RBFOX1: variants seen among roughly 807,000 people sequenced by gnomAD.
The protein encoded by RBFOX1 is RNA binding fox-1 homolog 1.
Under a neutral mutation model 57.7 loss-of-function variants are expected in RBFOX1, and 8 were observed. The observed-to-expected ratio is 0.14, with a 90% CI of 0.08 to 0.25. The LOEUF is 0.25. Among genes scored for constraint, RBFOX1 ranks in the 10% least tolerant of loss-of-function variants. The pLI, the probability that RBFOX1 is intolerant of heterozygous loss-of-function variation, is 1.00. For missense variants in RBFOX1, 611 were observed against 548.5 expected, an observed-to-expected ratio of 1.11 and a Z score of -1.14; for synonymous variants, 326 against 222.4, an observed-to-expected ratio of 1.47 and a Z score of -4.15.
At chr16:5,655,159 G>A (rs2049384458) in intron 3 of RBFOX1, among the ~76,000 whole-genome samples, 2 of 152,144 alleles carry the variant, frequency 1.3e-5, no homozygotes, top group African/African-American at 4.8e-5. Flanking sequence ...TTGCTATCTG[G>A]AATTTAGCCC....
intron 1 of RBFOX1, among the ~76,000 whole-genome samples, chr16:5,274,749 G>A (rs1288616855): frequency 1.3e-5 from 2 of 152,160 alleles, no homozygotes; most frequent in Non-Finnish European, 2.9e-5. Context: ...CCTTGCATAG[G>A]CACCAGGCTT....
intron 1 of RBFOX1, among the ~76,000 whole-genome samples, chr16:5,376,270 C>T (rs183551350): frequency 6.9e-4 from 105 of 152,114 alleles, no homozygotes; most frequent in African/African-American, 2.2e-3. Flanking sequence ...AGAGCATGCG[C>T]GGAACTCTGA....
At chr16:5,485,630 A>G (rs972972290) in intron 2 of RBFOX1, among the ~76,000 whole-genome samples, 9 of 152,184 alleles carry the variant, frequency 5.9e-5, no homozygotes, top group African/African-American at 2.2e-4. Context: ...TTCACAGATA[A>G]AAGAAACTGA....
chr16:6,105,913 C>T (rs1351235358), intron 1 of RBFOX1, among the ~76,000 whole-genome samples: 1 of 151,998 alleles, frequency 6.6e-6, no homozygotes, highest in Non-Finnish European at 1.5e-5. Context: ...AAAAGATAAA[C>T]TTAATGGTCA....
At chr16:7,078,590 C>T (rs1310723538) in intron 4 of RBFOX1, among the ~76,000 whole-genome samples, 1 of 152,038 alleles carries the variant, frequency 6.6e-6, no homozygotes, top group Non-Finnish European at 1.5e-5. Context: ...TCAAGTGATC[C>T]ACCCACTTTG....
chr16:6,904,839 G>T (rs968308064), intron 3 of RBFOX1, among the ~76,000 whole-genome samples: 7 of 152,060 alleles, frequency 4.6e-5, no homozygotes, highest in African/African-American at 1.7e-4. Flanking sequence ...TGTTAGAGAA[G>T]AATTGTTTTG....
chr16:7,618,394 G>A (rs7204945), intron 10 of RBFOX1, among the ~76,000 whole-genome samples: 97,953 of 151,922 alleles, frequency 0.64, 32,321 homozygotes, highest in East Asian at 0.85. Flanking sequence ...ATTATCAACT[G>A]TTCAGCAACC....
intron 4 of RBFOX1, among the ~76,000 whole-genome samples, chr16:7,222,724 C>G (rs2092820509): frequency 6.6e-6 from 1 of 152,190 alleles, no homozygotes; most frequent in Non-Finnish European, 1.5e-5. Flanking sequence ...AAGCCAATGC[C>G]TGACACACAT....
chr16:6,664,516 C>A (rs766386680), intron 3 of RBFOX1, among the ~76,000 whole-genome samples: 1 of 152,172 alleles, frequency 6.6e-6, no homozygotes, highest in Non-Finnish European at 1.5e-5. Context: ...GGATGTGATA[C>A]ATATACCACA....
chr16:7,423,181 G>C (rs1269089738), intron 4 of RBFOX1, among the ~76,000 whole-genome samples: 1 of 151,992 alleles, frequency 6.6e-6, no homozygotes, highest in Non-Finnish European at 1.5e-5. Context: ...TTTAATCATA[G>C]ACTTGGCCTT....
chr16:5,546,473 C>G (rs528020164), intron 2 of RBFOX1, among the ~76,000 whole-genome samples: 3 of 152,252 alleles, frequency 2.0e-5, no homozygotes, highest in South Asian at 4.1e-4. Context: ...AAGGTAGATA[C>G]TTGGGTCGAT....
At chr16:5,424,875 T>TCTTTC (rs1555514727) in intron 1 of RBFOX1, among the ~76,000 whole-genome samples, 5 of 76,828 alleles carry the variant, frequency 6.5e-5, no homozygotes, top group African/African-American at 1.4e-4. Context: ...TCTTTCTTTT[T>TCTTTC]TTTCTTTCTT....
At chr16:5,563,844 C>T (rs530337381) in intron 2 of RBFOX1, among the ~76,000 whole-genome samples, 1 of 152,244 alleles carries the variant, frequency 6.6e-6, no homozygotes, top group African/African-American at 2.4e-5. Flanking sequence ...CCCATTTCTT[C>T]TTCCCATCTC....
intron 3 of RBFOX1, among the ~76,000 whole-genome samples, chr16:7,037,130 C>G (rs979516961): frequency 1.3e-5 from 2 of 151,718 alleles, no homozygotes; most frequent in Non-Finnish European, 2.9e-5. Flanking sequence ...CAGCAAGGTC[C>G]TTACGACCTG....
chr16:5,255,237 A>T (rs947549332), intron 1 of RBFOX1, among the ~76,000 whole-genome samples: 1 of 151,874 alleles, frequency 6.6e-6, no homozygotes, highest in Non-Finnish European at 1.5e-5. Context: ...GACACACCCT[A>T]GGAAAATCAC....
chr16:7,506,373 G>A (rs959526751), intron 4 of RBFOX1, among the ~76,000 whole-genome samples: 1 of 152,068 alleles, frequency 6.6e-6, no homozygotes, highest in Admixed American at 6.6e-5. Context: ...GCATGAGCAA[G>A]TAATCCCACC....
At position 6,256,271 on chromosome 16, in the gene RBFOX1, GTATATATA is replaced by G. The variant is rs1162785126; in HGVS notation, c.-126-60720_-126-60713del. Among the ~76,000 whole-genome samples the G allele has an allele frequency of 2.5e-3, 283 of 114,050 alleles. 6 individuals are homozygous for G. Among genetic ancestry groups the G allele is most frequent in the African/African-American group, 0.01 (227 of 22,322 alleles). 74.8% of individuals were successfully genotyped at this position (114,050 alleles called of 152,430 possible). A position where few individuals can be genotyped will look rare whatever the true frequency, so the allele number is the denominator to read the frequency against. On this transcript the variant is annotated intron_variant, in intron 1 of 15. Coordinates refer to ENST00000550418, the MANE Select transcript of RBFOX1 (RefSeq NM_018723.4). ...TGTATATATATGTGTATATATATAT[GTATATATA>G]TATGTGTGTATATATATATGTATAT...
chr16:7,571,763 G>C (rs2092799727), intron 5 of RBFOX1, among the ~76,000 whole-genome samples: 1 of 152,116 alleles, frequency 6.6e-6, no homozygotes, highest in Non-Finnish European at 1.5e-5. Flanking sequence ...CTTCCCATCT[G>C]TGTAGGGTCC....
intron 3 of RBFOX1, among the ~76,000 whole-genome samples, chr16:7,034,445 T>A (rs2043696668): frequency 6.6e-6 from 1 of 152,096 alleles, no homozygotes; most frequent in Non-Finnish European, 1.5e-5. Flanking sequence ...CCTCTGCTTC[T>A]TCCCCCTTCT....
Sources: allele counts gnomAD v4.1 joint callset (sites outside exome capture counted in the v4.1 genomes callset), GRCh38; gene constraint gnomAD v4.1.1; transcripts MANE v1.5; gene names NCBI Gene and HGNC (gene_info 2026-07-23, HGNC 2026-07-21).